Variants in TRAK2 observed in about 807,000 individuals in gnomAD.
The protein encoded by TRAK2 is trafficking kinesin-binding protein 2.
Under a neutral mutation model 104.6 loss-of-function variants are expected in TRAK2, and 81 were observed. That is an observed-to-expected ratio of 0.77 (90% CI 0.65 to 0.93). The LOEUF (loss-of-function observed/expected upper bound fraction) is 0.93, where lower values mean the gene tolerates loss of function less well. Ranked by LOEUF, TRAK2 falls within the 40% of genes least tolerant of loss-of-function variation. The probability of loss-of-function intolerance (pLI) is 0.00; values close to 1 mark genes in which losing one functional copy is unlikely to be tolerated. For synonymous variants in TRAK2, 406 were observed against 394.4 expected (o/e 1.03, Z -0.35); for missense variants, 1,002 against 1,089.0 (o/e 0.92, Z 1.12).
intron 1 of TRAK2, among the ~76,000 whole-genome samples, chr2:201,421,294 T>G (rs1474826604): frequency 6.6e-6 from 1 of 152,152 alleles, no homozygotes; most frequent in African/African-American, 2.4e-5. Flanking sequence ...GGCTTGAAGA[T>G]AGACTGTGAT....
At chr2:201,416,413 A>C (rs6729982) in intron 2 of TRAK2, among the ~76,000 whole-genome samples, 1 of 151,342 alleles carries the variant, frequency 6.6e-6, no homozygotes, top group South Asian at 2.1e-4. Flanking sequence ...CTCAAAAAAA[A>C]AGTAATTTTA....
chr2:201,408,148 G>A (rs972550184), intron 2 of TRAK2, among the ~76,000 whole-genome samples: 4 of 151,820 alleles, frequency 2.6e-5, no homozygotes, highest in Non-Finnish European at 4.4e-5. Context: ...CCTCCTTCCC[G>A]CTACCCTTCC....
At chr2:201,416,663 A>G (rs569632039) in intron 2 of TRAK2, among the ~76,000 whole-genome samples, 1 of 152,282 alleles carries the variant, frequency 6.6e-6, no homozygotes, top group East Asian at 1.9e-4. Context: ...ATGTAGATGT[A>G]AAAGGCATAG....
At chr2:201,413,329 A>G (rs1951664293) in intron 2 of TRAK2, 3 of 1,097,842 alleles carry the variant, frequency 2.7e-6, no homozygotes, top group South Asian at 3.1e-5. Flanking sequence ...TTGGGTAGTT[A>G]TAGTTACCTT....
At chr2:201,438,642 GC>G (rs1476032600) in intron 1 of TRAK2, among the ~76,000 whole-genome samples, 1 of 152,148 alleles carries the variant, frequency 6.6e-6, no homozygotes, top group Non-Finnish European at 1.5e-5. Context: ...GTTTGCAAAA[GC>G]CTCAGATAAT....
In TRAK2 at chr2:201,413,263, T is replaced by C. The variant is rs998022615; in HGVS notation, c.92-5666A>G. 22 of 1,334,856 alleles carry C rather than the reference T, an allele frequency of 1.6e-5. No homozygotes were observed. In the African/African-American group the frequency reaches 2.7e-4, roughly 17 times the overall value. The allele number at this position is 1,334,856 out of a possible 1,614,324, so 82.7% of individuals were successfully genotyped here. ...ATTACAGCACTAGTGACATCAGCTG[T>C]TACTTCTGTAACAGTACTCTTCAAT... On this transcript the variant is annotated intron_variant, in intron 2 of 15. Transcript: ENST00000332624.
chr2:201,380,776 G>A lies in TRAK2; in HGVS notation c.2512C>T (p.Leu838=), dbSNP rs1485152472. Residue 838 remains leucine, a synonymous_variant, in exon 16 of 16, where the codon CTG becomes TTG. Transcript: ENST00000332624. ...GQLKMNLVDR[L]KRLGIARVVK... ...ACTCTGGCTATCCCCAGTCTCTTCA[G>A]CCTGTCCACTAAGTTCATCTTCAAC... 6.2e-7 allele frequency: 1 copy of A among 1,614,084 alleles called. No individual in the cohort carries two copies. Among genetic ancestry groups the A allele is most frequent in the Admixed American group, 1.7e-5 (1 of 60,000 alleles).
At chr2:201,403,918 A>G (rs1951571148) in intron 3 of TRAK2, among the ~76,000 whole-genome samples, 2 of 152,220 alleles carry the variant, frequency 1.3e-5, no homozygotes, top group South Asian at 4.1e-4. Flanking sequence ...CAATCCACAA[A>G]GGCTGGGCCT....
intron 10 of TRAK2, among the ~76,000 whole-genome samples, chr2:201,392,639 A>G (rs1485624783): frequency 6.6e-6 from 1 of 152,192 alleles, no homozygotes; most frequent in East Asian, 1.9e-4. Context: ...AACTAGTTCT[A>G]TGGTACACAG....
At chr2:201,417,241 CAAAAAAAAAAAAAAAAAAG>C (rs1169357745) in intron 2 of TRAK2, among the ~76,000 whole-genome samples, 7 of 88,432 alleles carry the variant, frequency 7.9e-5, no homozygotes, top group Non-Finnish European at 1.3e-4. Flanking sequence ...GAAGACATTG[CAAAAAAAAAAAAAAAAAAG>C]AAAAGAAAAA....
At chr2:201,397,479 A>G (rs1951512152) in intron 7 of TRAK2, 23 bp downstream of exon 7, 1 of 1,585,612 alleles carries the variant, frequency 6.3e-7, no homozygotes, top group African/African-American at 1.3e-5. Context: ...AAAAGGTACA[A>G]AAGAGAATAT....
In TRAK2 at chr2:201,386,343, T is replaced by A. The variant is rs1451583319; in HGVS notation, c.1838A>T (p.Asp613Val). 1.2e-6 allele frequency: 2 copies of A among 1,614,122 alleles called. No homozygotes were observed. The highest frequency in any genetic ancestry group is 1.7e-5 in the Admixed American group (1 of 60,024). ...AIYHISDLEE[D>V]EEEGITFQVQ... is the part of the protein sequence containing the mutation. ...CTGAAAAGTAATACCCTCCTCTTCA[T>A]CCTCTTCTAAATCTGAGATGTGATA... Residue 613 changes from aspartate to valine, a missense_variant, in exon 14 of 16, where the codon GAT (aspartate) becomes GTT (valine). Coordinates refer to ENST00000332624, the MANE Select transcript of TRAK2 (RefSeq NM_015049.3).
At position 201,380,658 on chromosome 2, in the gene TRAK2, C is replaced by A. The variant is rs753270142; in HGVS notation, c.2630G>T (p.Gly877Val). Residue 877 changes from glycine to valine, a missense_variant, in exon 16 of 16, where the codon GGT (glycine) becomes GTT (valine). Coordinates refer to ENST00000332624, the MANE Select transcript of TRAK2 (RefSeq NM_015049.3). The part of the protein sequence containing the change: ...KPDSAVYLNS[G>V]SSLLGGLRRN... ...CCTTAGTCCACCTAATAAACTGCTA[C>A]CTGAATTTAAATAAACAGCAGAATC... 3.1e-6 allele frequency: 5 copies of A among 1,614,052 alleles called. No individual in the cohort carries two copies. Among genetic ancestry groups the A allele is most frequent in the Admixed American group, 1.7e-5 (1 of 59,984 alleles).
chr2:201,427,634 A>G (rs1486678018), intron 1 of TRAK2, among the ~76,000 whole-genome samples: 6 of 152,158 alleles, frequency 3.9e-5, no homozygotes, highest in Non-Finnish European at 7.3e-5. Flanking sequence ...ATAAACATAC[A>G]CGTGCATGTG....
At chr2:201,411,322 T>C in intron 2 of TRAK2, 1 of 757,626 alleles carries the variant, frequency 1.3e-6, no homozygotes, top group Non-Finnish European at 2.5e-6. Flanking sequence ...TTATGTTTAT[T>C]CTGAAACCCA....
At position 201,401,061 on chromosome 2, in the gene TRAK2, T is replaced by C. The variant is rs980115155; in HGVS notation, c.320A>G (p.Lys107Arg). ...AACCATGTCGATGTCATTGTAAGTT[T>C]TGGTCATCTGCTCCACCCTGTCTGT... ...LGTDRVEQMT[K>R]TYNDIDMVTH... The change falls in exon 4 of 16, where the codon AAA becomes AGA. Residue 107 changes from lysine (K) to arginine (R), a missense_variant. Physicochemically the swap from Lys to Arg is conservative, Grantham distance 26. Transcript: ENST00000332624. The C allele has an allele frequency of 6.2e-6, 10 of 1,611,326 alleles. No homozygotes were observed. The African/African-American group carries it at 9.4e-5, about 15-fold the overall frequency.
At chr2:201,396,296 G>GA (rs1951501015) in intron 7 of TRAK2, among the ~76,000 whole-genome samples, 1 of 152,126 alleles carries the variant, frequency 6.6e-6, no homozygotes, top group African/African-American at 2.4e-5. Context: ...TCATGGTGGA[G>GA]GAGAAAATTC....
intron 1 of TRAK2, among the ~76,000 whole-genome samples, chr2:201,437,032 T>C (rs756929629): frequency 5.9e-5 from 9 of 152,210 alleles, no homozygotes; most frequent in Non-Finnish European, 1.0e-4. Flanking sequence ...ATAAGACTCA[T>C]TGTTTTTCAA....
intron 1 of TRAK2, among the ~76,000 whole-genome samples, chr2:201,430,717 T>C (rs1233985715): frequency 1.3e-5 from 2 of 152,186 alleles, no homozygotes; most frequent in African/African-American, 4.8e-5. Flanking sequence ...ATTTTCCAGG[T>C]ACCGTCTGTC....
Sources: gnomAD v4.1 joint callset for allele counts (sites outside exome capture counted in the v4.1 genomes callset) on GRCh38, gnomAD v4.1.1 for gene constraint, MANE v1.5 for transcripts, NCBI Gene and HGNC (gene_info 2026-07-23, HGNC 2026-07-21) for gene names.